The following SYNE1 variants were observed in gnomAD, a reference collection of about 807,000 sequenced individuals.
SYNE1 encodes the protein nesprin-1.
Under a neutral mutation model 1,111.0 loss-of-function variants are expected in SYNE1, and 616 were observed. That is an observed-to-expected ratio of 0.55 (90% CI 0.52 to 0.59). The LOEUF is 0.59. Among genes scored for constraint, SYNE1 ranks in the 20% least tolerant of loss-of-function variants. The pLI is 0.00. For synonymous variants in SYNE1, 3,855 were observed against 3,825.8 expected (o/e 1.01, Z -0.28); for missense variants, 10,006 against 10,417.0 (o/e 0.96, Z 1.72).
At chr6:152,538,446 C>T (rs1450524802) in intron 4 of SYNE1, among the ~76,000 whole-genome samples, 2 of 152,020 alleles carry the variant, frequency 1.3e-5, no homozygotes, top group Non-Finnish European at 2.9e-5. Context: ...TCCTATAAAA[C>T]CACTTATATG....
At chr6:152,193,838 T>A (rs2763019) in intron 127 of SYNE1, among the ~76,000 whole-genome samples, 1 of 151,606 alleles carries the variant, frequency 6.6e-6, no homozygotes, top group Admixed American at 6.6e-5. Flanking sequence ...GGTGAAACCC[T>A]GTCTCTACTA....
Position 152,249,139 on chromosome 6 carries a change from A to G in SYNE1, c.19572+22T>C, listed in dbSNP as rs17215781. On this transcript the variant is annotated intron_variant, in intron 105 of 145. Coordinates refer to ENST00000367255, the MANE Select transcript of SYNE1 (RefSeq NM_182961.4). The stretch of plus-strand genomic sequence containing the variant: ...ATCTCCTCTATGCATTTTCTCTTCT[A>G]GGAAAAGGCAGCTATAAATACCTCT... 110,450 of 1,485,488 alleles carry G rather than the reference A, an allele frequency of 0.074. 4,983 individuals are homozygous for G. Among genetic ancestry groups the G allele is most frequent in the Admixed American group, 0.19 (11,085 of 59,846 alleles). 92.0% of individuals were successfully genotyped at this position (1,485,488 alleles called of 1,614,324 possible).
intron 3 of SYNE1, among the ~76,000 whole-genome samples, chr6:152,604,084 A>T (rs1583260708): frequency 6.6e-6 from 1 of 151,660 alleles, no homozygotes; most frequent in East Asian, 1.9e-4. Flanking sequence ...TATGTTCTAG[A>T]TATAAAAGAG....
At chr6:152,279,981 A>C (rs1048905659) in intron 97 of SYNE1, among the ~76,000 whole-genome samples, 1 of 152,192 alleles carries the variant, frequency 6.6e-6, no homozygotes, top group African/African-American at 2.4e-5. Flanking sequence ...ATATAATAAT[A>C]TGGAATACAT....
chr6:152,237,006 T>C, intron 108 of SYNE1, 58 bp from the exon 109 acceptor site: 1 of 1,600,032 alleles, frequency 6.2e-7, no homozygotes, highest in Non-Finnish European at 8.5e-7. Flanking sequence ...AAAGACATTC[T>C]TCCTTGGGTG....
chr6:152,413,304 A>ATT (rs754489241), intron 42 of SYNE1, 48 bp downstream of exon 42: 1 of 1,600,046 alleles, frequency 6.2e-7, no homozygotes, highest in East Asian at 2.2e-5. Context: ...CCAATGTCAC[A>ATT]TAATAAGTGG....
chr6:152,577,647 A>C (rs1030152473), intron 3 of SYNE1, among the ~76,000 whole-genome samples: 2 of 151,770 alleles, frequency 1.3e-5, no homozygotes, highest in African/African-American at 4.8e-5. Flanking sequence ...ACAACAAAAG[A>C]AAAAAAAATT....
At chr6:152,458,539 C>G (rs1029062920) in intron 22 of SYNE1, among the ~76,000 whole-genome samples, 7 of 152,188 alleles carry the variant, frequency 4.6e-5, no homozygotes, top group African/African-American at 1.7e-4. Context: ...CTGAGTCCAG[C>G]TAGACCATTC....
At chr6:152,247,750 T>TATATATACAC (rs1432898834) in intron 105 of SYNE1, among the ~76,000 whole-genome samples, 68 of 112,362 alleles carry the variant, frequency 6.1e-4, no homozygotes, top group African/African-American at 1.6e-3. Flanking sequence ...TATATATATA[T>TATATATACAC]ACACACACAC....
intron 130 of SYNE1, among the ~76,000 whole-genome samples, chr6:152,169,244 A>G (rs1442493534): frequency 1.3e-5 from 2 of 152,186 alleles, no homozygotes; most frequent in Non-Finnish European, 2.9e-5. Context: ...CTGTTTTTAA[A>G]ACAGAACACT....
intron 8 of SYNE1, among the ~76,000 whole-genome samples, chr6:152,505,997 T>A (rs2099056358): frequency 6.6e-6 from 1 of 152,212 alleles, no homozygotes; most frequent in South Asian, 2.1e-4. Context: ...GTATTCCACC[T>A]AAATGCAAAC....
At chr6:152,197,603 G>C (rs1349225972) in intron 127 of SYNE1, among the ~76,000 whole-genome samples, 1 of 152,200 alleles carries the variant, frequency 6.6e-6, no homozygotes, top group Non-Finnish European at 1.5e-5. Flanking sequence ...ATCTCCATCA[G>C]ATATCTAGGG....
chr6:152,416,784 G>T lies in SYNE1; in HGVS notation c.5653C>A (p.Arg1885Ser), dbSNP rs567456051. The T allele has an allele frequency of 6.2e-7, 1 of 1,614,068 alleles. No individual in the cohort carries two copies. Among genetic ancestry groups the T allele is most frequent in the Non-Finnish European group, 8.5e-7 (1 of 1,180,042 alleles). The part of the protein sequence containing the change: ...QSHASLSGIL[R>S]QLRQTVEATN... ...GCTTCCACTGTTTGCCTCAGCTGGC[G>T]GAGAATGCCGGACAGAGAGGCATGG... Residue 1885 changes from arginine to serine, a missense_variant, in exon 41 of 146, where the codon CGC becomes AGC. Physicochemically the swap from Arg to Ser is moderately radical, Grantham distance 110. Transcript: ENST00000367255.
intron 3 of SYNE1, among the ~76,000 whole-genome samples, chr6:152,596,190 A>C (rs2099580952): frequency 6.9e-6 from 1 of 145,168 alleles, no homozygotes; most frequent in Non-Finnish European, 1.5e-5. Flanking sequence ...TATTTACTTT[A>C]AGGCCAATTT....
intron 3 of SYNE1, among the ~76,000 whole-genome samples, chr6:152,573,165 G>A (rs918659408): frequency 6.6e-6 from 1 of 152,070 alleles, no homozygotes; most frequent in Non-Finnish European, 1.5e-5. Flanking sequence ...CTCTATAGAG[G>A]AGGCTGATTT....
At chr6:152,146,142 G>A (rs1563005100) in intron 137 of SYNE1, 1 of 151,326 alleles carries the variant, frequency 6.6e-6, no homozygotes. Context: ...ACCTGGGAAT[G>A]TTATTCCCAT....
intron 51 of SYNE1, 87 bp downstream of exon 51, chr6:152,395,429 T>C (rs2154140740): frequency 7.0e-7 from 1 of 1,419,718 alleles, no homozygotes; most frequent in South Asian, 1.3e-5. Flanking sequence ...ACCAACTAAC[T>C]AACCAATCAA....
chr6:152,129,263 A>G (rs1204639452), intron 145 of SYNE1: 1 of 152,288 alleles, frequency 6.6e-6, no homozygotes, highest in African/African-American at 2.4e-5. Context: ...TTGGCGTTGC[A>G]TCATAACATA....
intron 53 of SYNE1, among the ~76,000 whole-genome samples, chr6:152,387,873 GAC>G (rs146726486): frequency 6.0e-5 from 9 of 150,760 alleles, no homozygotes; most frequent in African/African-American, 1.2e-4. Flanking sequence ...TTCATTTGGG[GAC>G]ACACACACAC....
Sources: allele counts gnomAD v4.1 joint callset (sites outside exome capture counted in the v4.1 genomes callset), GRCh38; gene constraint gnomAD v4.1.1; transcripts MANE v1.5; gene names NCBI Gene and HGNC (gene_info 2026-07-23, HGNC 2026-07-21).